Variants in WSB1 observed in about 807,000 individuals in gnomAD.
The protein encoded by WSB1 is WD repeat and SOCS box-containing protein 1.
Under a neutral mutation model 50.2 loss-of-function variants are expected in WSB1, and 23 were observed. The observed-to-expected ratio is 0.46, with a 90% CI of 0.33 to 0.65. WSB1 has a LOEUF of 0.65. Ranked by LOEUF, WSB1 falls within the 30% of genes least tolerant of loss-of-function variation. The pLI is 0.02. For synonymous variants in WSB1, 179 were observed against 172.0 expected (o/e 1.04, Z -0.32); for missense variants, 492 against 522.3 (o/e 0.94, Z 0.56).
intron 1 of WSB1, among the ~76,000 whole-genome samples, chr17:27,297,499 G>T (rs1355546970): frequency 6.7e-6 from 1 of 149,640 alleles, no homozygotes; most frequent in African/African-American, 2.5e-5. Flanking sequence ...ACAGAGTCTT[G>T]CTCTATCACC....
chr17:27,308,151 T>G (rs1196630126), intron 5 of WSB1: 1 of 1,015,720 alleles, frequency 9.8e-7, no homozygotes, highest in African/African-American at 1.7e-5. Context: ...ACGTCTTTGA[T>G]TCAATTTAAA....
At chr17:27,308,581 G>C in intron 5 of WSB1, 4 of 985,830 alleles carry the variant, frequency 4.1e-6, no homozygotes, top group Non-Finnish European at 4.8e-6. Context: ...CTATTTGCTT[G>C]CAGTATCTGT....
chr17:27,303,215 A>G, intron 2 of WSB1, 152 bp from the exon 3 acceptor site: 7 of 842,104 alleles, frequency 8.3e-6, no homozygotes, highest in Non-Finnish European at 1.2e-5. Context: ...TCAAATATCA[A>G]CCTTTCCCTT....
Position 27,294,452 on chromosome 17 carries a change from TG to T in WSB1, c.40+20del. 1 of 1,611,016 alleles carries T rather than the reference TG, an allele frequency of 6.2e-7. No homozygotes were observed. Among genetic ancestry groups the T allele is most frequent in the East Asian group, 2.2e-5 (1 of 44,678 alleles). On this transcript the variant is annotated intron_variant, in intron 1 of 8. Coordinates refer to ENST00000262394, the MANE Select transcript of WSB1 (RefSeq NM_015626.10). The stretch of plus-strand genomic sequence containing the variant: ...AAGAGATCGGTGAGGATTGGGACCG[TG>T]GGTGGGCGCATGAGGGCCGAGGAGA...
chr17:27,306,657 C>T, intron 4 of WSB1, 125 bp from the exon 5 acceptor site: 1 of 860,568 alleles, frequency 1.2e-6, no homozygotes, highest in South Asian at 1.7e-5. Context: ...ATATCGGTAA[C>T]CCTTGTTATA....
intron 1 of WSB1, among the ~76,000 whole-genome samples, chr17:27,295,987 A>G (rs1195505203): frequency 2.0e-5 from 3 of 151,786 alleles, no homozygotes. Context: ...ACAGGCATGC[A>G]CACGCCCGGC....
In WSB1 at chr17:27,302,137, G is replaced by A. The variant is rs1266379804; in HGVS notation, c.209+181G>A. ...GTGTAAAGAATTCTTTGGGCCGGGC[G>A]CGGCGGCTCAGGCCTATAATCCCAG... is the stretch of plus-strand genomic sequence containing the variant. On this transcript the variant is annotated intron_variant, in intron 2 of 8. Coordinates refer to ENST00000262394, the MANE Select transcript of WSB1 (RefSeq NM_015626.10). The A allele has an allele frequency of 1.5e-5, 12 of 794,622 alleles. No individual in the cohort carries two copies. The East Asian group carries it at 2.9e-4, about 19-fold the overall frequency. 49.2% of individuals were successfully genotyped at this position (794,622 alleles called of 1,614,324 possible).
At chr17:27,297,713 A>G (rs527955894) in intron 1 of WSB1, among the ~76,000 whole-genome samples, 3 of 152,250 alleles carry the variant, frequency 2.0e-5, no homozygotes, top group Admixed American at 2.0e-4. Context: ...ACCTTGGCCT[A>G]CCAAAGTGTT....
intron 1 of WSB1, among the ~76,000 whole-genome samples, chr17:27,295,556 AAAAG>A (rs1423400644): frequency 2.0e-5 from 3 of 152,138 alleles, no homozygotes; most frequent in Admixed American, 6.5e-5. Flanking sequence ...ACACAGAAAA[AAAAG>A]GGAAAAAATT....
At chr17:27,311,481 G>C (rs1218133268) in intron 7 of WSB1, 28 bp from the exon 8 acceptor site, 16 of 1,555,632 alleles carry the variant, frequency 1.0e-5, no homozygotes, top group Non-Finnish European at 1.3e-5. Flanking sequence ...TTTTCTACAA[G>C]ATACTAAATA....
At chr17:27,303,030 T>G in intron 2 of WSB1, 1 of 192,146 alleles carries the variant, frequency 5.2e-6, no homozygotes, top group Non-Finnish European at 1.1e-5. Context: ...GTTTTTTTGT[T>G]TGTTTGTTTG....
chr17:27,307,689 C>A, intron 5 of WSB1: 1 of 1,505,030 alleles, frequency 6.6e-7, no homozygotes, highest in East Asian at 2.5e-5. Context: ...TAGATGTTGA[C>A]ATTGCTATTT....
chr17:27,299,258 C>G (rs911673563), intron 1 of WSB1, among the ~76,000 whole-genome samples: 1 of 152,132 alleles, frequency 6.6e-6, no homozygotes, highest in African/African-American at 2.4e-5. Context: ...CATCTGTAAT[C>G]CCAGTACTTT....
Position 27,306,791 on chromosome 17 carries a change from T to A in WSB1, c.620T>A (p.Met207Lys). 6.2e-7 allele frequency: 1 copy of A among 1,614,136 alleles called. No homozygotes were observed. Among genetic ancestry groups the A allele is most frequent in the Non-Finnish European group, 8.5e-7 (1 of 1,180,010 alleles). The part of the protein sequence containing the change: ...VWDLKDDGNM[M>K]KVLRGHQNWV... ...ATTTCTTTTTGTTCAGGAAACATGA[T>A]GAAAGTATTGAGGGGGCATCAGAAT... The change falls in exon 5 of 9, where the codon ATG (methionine) becomes AAG (lysine). Residue 207 changes from methionine (M) to lysine (K), a missense_variant. Met to Lys is a moderately conservative substitution (Grantham distance 95). Coordinates refer to ENST00000262394, the MANE Select transcript of WSB1 (RefSeq NM_015626.10).
chr17:27,308,577 G>T, intron 5 of WSB1: 5 of 985,790 alleles, frequency 5.1e-6, no homozygotes, highest in Non-Finnish European at 6.0e-6. Context: ...TATTCTATTT[G>T]CTTGCAGTAT....
chr17:27,296,090 C>G (rs571126054), intron 1 of WSB1, among the ~76,000 whole-genome samples: 2 of 152,178 alleles, frequency 1.3e-5, no homozygotes, highest in South Asian at 2.1e-4. Context: ...ACCTCTGCCT[C>G]CCAAAGTGCT....
chr17:27,298,718 G>C (rs1217820904), intron 1 of WSB1, among the ~76,000 whole-genome samples: 1 of 152,018 alleles, frequency 6.6e-6, no homozygotes, highest in East Asian at 1.9e-4. Context: ...ATAATAATTA[G>C]CCAGGCATGG....
At chr17:27,308,572 T>C (rs1414521147) in intron 5 of WSB1, 1 of 985,824 alleles carries the variant, frequency 1.0e-6, no homozygotes, top group Non-Finnish European at 1.2e-6. Flanking sequence ...GTGAATATTC[T>C]ATTTGCTTGC....
chr17:27,312,313 G>GT lies in WSB1; in HGVS notation c.1212dup (p.Gln405SerfsTer29). On this transcript the variant is annotated frameshift_variant, in exon 9 of 9. Transcript: ENST00000262394. LOFTEE classifies it high-confidence loss of function. ...CCGAAGAGTGATGCCCACCCAAGAA[G>GT]TTCAGGAGCTGCCGATTCCTTCCAA... 1 of 1,614,150 alleles carries GT rather than the reference G, an allele frequency of 6.2e-7. No individual in the cohort carries two copies. Among genetic ancestry groups the GT allele is most frequent in the Non-Finnish European group, 8.5e-7 (1 of 1,180,026 alleles).
Sources: allele counts gnomAD v4.1 joint callset (sites outside exome capture counted in the v4.1 genomes callset), GRCh38; gene constraint gnomAD v4.1.1; transcripts MANE v1.5; gene names NCBI Gene and HGNC (gene_info 2026-07-23, HGNC 2026-07-21).